DLG2: variants seen among roughly 807,000 people sequenced by gnomAD.
DLG2 encodes discs large MAGUK scaffold protein 2.
DLG2 carries 45 observed loss-of-function variants against 132.5 expected under a neutral mutation model. The observed-to-expected ratio is 0.34, with a 90% CI of 0.27 to 0.44. The LOEUF is 0.44. DLG2 is among the 20% of genes least tolerant of loss of function. The pLI, the probability that DLG2 is intolerant of heterozygous loss-of-function variation, is 1.00. For synonymous variants in DLG2, 424 were observed against 419.6 expected (o/e 1.01, Z -0.13); for missense variants, 1,045 against 1,196.9 (o/e 0.87, Z 1.87).
intron 6 of DLG2, among the ~76,000 whole-genome samples, chr11:84,670,505 C>G (rs2099704593): frequency 6.6e-6 from 1 of 152,152 alleles, no homozygotes; most frequent in Admixed American, 6.6e-5. Context: ...CCAGAGGCTA[C>G]AGAACACACA....
chr11:84,970,935 T>A (rs183556872), intron 6 of DLG2, among the ~76,000 whole-genome samples: 74 of 152,314 alleles, frequency 4.9e-4, no homozygotes, highest in Admixed American at 8.5e-4. Context: ...CCATAATCTA[T>A]TTTCAATACT....
At chr11:84,002,231 T>TTGA (rs879935508) in intron 11 of DLG2, among the ~76,000 whole-genome samples, 3 of 152,148 alleles carry the variant, frequency 2.0e-5, no homozygotes, top group Non-Finnish European at 4.4e-5. Flanking sequence ...GACACGACCA[T>TTGA]TGATACATGC....
chr11:84,394,092 G>C (rs2098802644), intron 7 of DLG2, among the ~76,000 whole-genome samples: 1 of 152,084 alleles, frequency 6.6e-6, no homozygotes, highest in South Asian at 2.1e-4. Context: ...GGCCAGGCTG[G>C]TCTCGAACTC....
intron 2 of DLG2, among the ~76,000 whole-genome samples, chr11:85,618,877 T>C (rs1369447603): frequency 2.0e-5 from 3 of 152,190 alleles, no homozygotes; most frequent in African/African-American, 7.2e-5. Context: ...TATTCTATCA[T>C]AAATAAAAAC....
At chr11:83,703,023 A>T (rs918302268) in intron 18 of DLG2, among the ~76,000 whole-genome samples, 3 of 152,244 alleles carry the variant, frequency 2.0e-5, no homozygotes. Context: ...ATTATCCTCT[A>T]TGGTACATCT....
chr11:84,884,841 G>T (rs1205280100), intron 6 of DLG2, among the ~76,000 whole-genome samples: 1 of 152,044 alleles, frequency 6.6e-6, no homozygotes, highest in African/African-American at 2.4e-5. Flanking sequence ...CAATTCATCA[G>T]TTTTACATTG....
chr11:84,368,592 T>G (rs924930722), intron 7 of DLG2, among the ~76,000 whole-genome samples: 4 of 152,128 alleles, frequency 2.6e-5, no homozygotes, highest in Non-Finnish European at 5.9e-5. Flanking sequence ...AGTTAGATAT[T>G]AGGAGTTCAG....
At chr11:84,038,072 A>G (rs2095918729) in intron 11 of DLG2, among the ~76,000 whole-genome samples, 1 of 151,992 alleles carries the variant, frequency 6.6e-6, no homozygotes, top group African/African-American at 2.4e-5. Flanking sequence ...TCACCCAGGT[A>G]TTAAGCATAG....
chr11:85,400,328 T>C (rs866148041), intron 3 of DLG2, among the ~76,000 whole-genome samples: 75 of 136,178 alleles, frequency 5.5e-4, no homozygotes, highest in Middle Eastern at 7.4e-3. Context: ...TTTTACACTG[T>C]TGGTGGGAGT....
intron 18 of DLG2, among the ~76,000 whole-genome samples, chr11:83,755,323 T>C (rs1056341977): frequency 2.0e-5 from 3 of 151,264 alleles, no homozygotes; most frequent in African/African-American, 4.9e-5. Flanking sequence ...GTTTGCGATA[T>C]GTTTATCAGA....
chr11:84,516,952 G>A (rs1468053662), intron 7 of DLG2, among the ~76,000 whole-genome samples: 1 of 145,414 alleles, frequency 6.9e-6, no homozygotes, highest in African/African-American at 2.5e-5. Context: ...GAAAACCTAG[G>A]GGAAAAGATT....
intron 6 of DLG2, among the ~76,000 whole-genome samples, chr11:84,881,556 A>G (rs1390342031): frequency 1.3e-5 from 2 of 152,140 alleles, no homozygotes; most frequent in East Asian, 3.9e-4. Context: ...TTTGGGGCAC[A>G]TGATTGTGCA....
intron 6 of DLG2, among the ~76,000 whole-genome samples, chr11:84,934,504 G>GTTTTTTTTTTTTTTTTTTTTTTTTTTTTT (rs113436905): frequency 3.0e-5 from 1 of 33,868 alleles, no homozygotes; most frequent in African/African-American, 1.7e-4. Context: ...GGTCCTGGGT[G>GTTTTTTTTTTTTTTTTTTTTTTTTTTTTT]TTTTTTTTTT....
At chr11:85,418,922 C>T (rs568138674) in intron 3 of DLG2, among the ~76,000 whole-genome samples, 3 of 152,222 alleles carry the variant, frequency 2.0e-5, no homozygotes, top group South Asian at 4.1e-4. Context: ...GGGCATTTAG[C>T]CCATTTACAT....
intron 17 of DLG2, among the ~76,000 whole-genome samples, chr11:83,789,252 G>A (rs1057244676): frequency 2.4e-4 from 37 of 151,978 alleles, no homozygotes; most frequent in African/African-American, 8.9e-4. Flanking sequence ...TAAATTCTGT[G>A]TTTTATCACA....
At chr11:84,742,766 A>T (rs6592198) in intron 6 of DLG2, among the ~76,000 whole-genome samples, 93,538 of 151,860 alleles carry the variant, frequency 0.62, 29,234 homozygotes, top group Middle Eastern at 0.67. Context: ...ATATAGAGTA[A>T]TTTCACTGCC....
Position 84,381,191 on chromosome 11 carries a change from A to G in DLG2, c.520-129900T>C, listed in dbSNP as rs1601066783. ...AAACTTTGCTCAAGAATAAAGAGAA[A>G]ACCTGAATAATCATATAAATATTAA... On this transcript the variant is annotated intron_variant, in intron 7 of 27. Transcript: ENST00000376104. Among the ~76,000 whole-genome samples, 8 of 152,178 alleles carry G rather than the reference A, an allele frequency of 5.3e-5. No individual in the cohort carries two copies. The South Asian group carries it at 1.7e-3, about 32-fold the overall frequency.
chr11:84,480,594 G>T (rs1429250451), intron 7 of DLG2, among the ~76,000 whole-genome samples: 1 of 152,064 alleles, frequency 6.6e-6, no homozygotes, highest in East Asian at 1.9e-4. Context: ...CCCATTATTG[G>T]TATGAAGAAA....
chr11:83,993,316 T>C (rs1795848940), intron 11 of DLG2, among the ~76,000 whole-genome samples: 1 of 152,180 alleles, frequency 6.6e-6, no homozygotes, highest in Non-Finnish European at 1.5e-5. Flanking sequence ...CTTTCAAATG[T>C]CAAGCATCCT....
Sources: allele counts gnomAD v4.1 joint callset (sites outside exome capture counted in the v4.1 genomes callset), GRCh38; gene constraint gnomAD v4.1.1; transcripts MANE v1.5; gene names NCBI Gene and HGNC (gene_info 2026-07-23, HGNC 2026-07-21).